DLGAP2: variants seen among roughly 807,000 people sequenced by gnomAD.
DLGAP2 encodes the protein disks large-associated protein 2.
In DLGAP2, 26 loss-of-function variants were observed where a neutral mutation model predicts 100.3. The observed-to-expected ratio is 0.26, with a 90% CI of 0.19 to 0.36. The LOEUF (loss-of-function observed/expected upper bound fraction) is 0.36, where lower values mean the gene tolerates loss of function less well. Ranked by LOEUF, DLGAP2 falls within the 10% of genes least tolerant of loss-of-function variation. The pLI, the probability that DLGAP2 is intolerant of heterozygous loss-of-function variation, is 1.00. For missense variants in DLGAP2, 1,858 were observed against 1,453.2 expected, an observed-to-expected ratio of 1.28 and a Z score of -4.53; for synonymous variants, 886 against 630.1, an observed-to-expected ratio of 1.41 and a Z score of -6.08.
intron 3 of DLGAP2, among the ~76,000 whole-genome samples, chr8:1,449,005 G>A (rs1366569665): frequency 6.6e-6 from 1 of 152,250 alleles, no homozygotes; most frequent in African/African-American, 2.4e-5. Context: ...CATGTTCTGA[G>A]AGCTGTAGGC....
At chr8:1,185,208 C>G (rs1316515632) in intron 2 of DLGAP2, among the ~76,000 whole-genome samples, 1 of 152,122 alleles carries the variant, frequency 6.6e-6, no homozygotes, top group Non-Finnish European at 1.5e-5. Flanking sequence ...CTCCAGGGCT[C>G]CACAGAAAGG....
At chr8:1,429,997 C>CATCTATATATATATATATATATATATAT (rs1797366640) in intron 3 of DLGAP2, among the ~76,000 whole-genome samples, 1 of 19,650 alleles carries the variant, frequency 5.1e-5, no homozygotes, top group African/African-American at 1.1e-4. Context: ...GGGAGAGATG[C>CATCTATATATATATATATATATATATAT]ATATATATAC....
intron 2 of DLGAP2, among the ~76,000 whole-genome samples, chr8:1,060,838 A>G (rs1294238292): frequency 2.6e-5 from 4 of 152,338 alleles, no homozygotes; most frequent in Non-Finnish European, 5.9e-5. Context: ...GGCCACAGCC[A>G]GGGCAGCCTG....
At chr8:1,645,665 A>G (rs1798024075) in intron 8 of DLGAP2, among the ~76,000 whole-genome samples, 1 of 152,216 alleles carries the variant, frequency 6.6e-6, no homozygotes. Context: ...CAATAATCTT[A>G]CAGGTACTAT....
At chr8:1,610,360 A>G (rs1796955378) in intron 6 of DLGAP2, among the ~76,000 whole-genome samples, 1 of 151,984 alleles carries the variant, frequency 6.6e-6, no homozygotes, top group Non-Finnish European at 1.5e-5. Flanking sequence ...GACACAACAA[A>G]CCAGAATCTC....
At chr8:1,356,615 A>T (rs1403522020) in intron 3 of DLGAP2, among the ~76,000 whole-genome samples, 1 of 152,162 alleles carries the variant, frequency 6.6e-6, no homozygotes, top group Non-Finnish European at 1.5e-5. Flanking sequence ...AGGAATGGCA[A>T]AGTACGAGGG....
At position 1,678,213 on chromosome 8, in the gene DLGAP2, G is replaced by T; in HGVS notation, c.2289-1G>T. The T allele has an allele frequency of 6.2e-7, 1 of 1,605,604 alleles. No individual in the cohort carries two copies. The stretch of plus-strand genomic sequence containing the variant: ...TCTGTCTTCCTTCCCTCCTTTTGCA[G>T]ACACGGACGTTTTAAACGTTCTAAC... On this transcript the variant is annotated splice_acceptor_variant, in intron 11 of 14. Coordinates refer to ENST00000637795, the MANE Select transcript of DLGAP2 (RefSeq NM_001346810.2). LOFTEE classifies it high-confidence loss of function.
At chr8:1,389,429 A>C (rs927138974) in intron 3 of DLGAP2, among the ~76,000 whole-genome samples, 4 of 151,978 alleles carry the variant, frequency 2.6e-5, no homozygotes, top group African/African-American at 9.7e-5. Flanking sequence ...ATAACACGGG[A>C]GTTGACAAGG....
At chr8:1,318,789 G>A (rs903831294) in intron 3 of DLGAP2, among the ~76,000 whole-genome samples, 11 of 54,934 alleles carry the variant, frequency 2.0e-4, no homozygotes, top group South Asian at 1.7e-3. Flanking sequence ...CCCCCCCCCC[G>A]CCCCCTCGCC....
At chr8:976,416 C>A (rs186379400) in intron 2 of DLGAP2, among the ~76,000 whole-genome samples, 62 of 152,182 alleles carry the variant, frequency 4.1e-4, no homozygotes, top group Middle Eastern at 6.8e-3. Flanking sequence ...TCGAGACCAT[C>A]CTGGCCAACA....
At chr8:1,353,626 G>A (rs952206960) in intron 3 of DLGAP2, among the ~76,000 whole-genome samples, 2 of 152,210 alleles carry the variant, frequency 1.3e-5, no homozygotes, top group African/African-American at 2.4e-5. Context: ...ATTATAAGGT[G>A]AGGGGTATTT....
chr8:1,001,959 C>T (rs1800972013), intron 2 of DLGAP2, among the ~76,000 whole-genome samples: 1 of 152,234 alleles, frequency 6.6e-6, no homozygotes, highest in Admixed American at 6.5e-5. Context: ...ATGAACCGGG[C>T]GAATTGACTC....
Position 1,548,913 on chromosome 8 carries a change from G to C in DLGAP2, c.460G>C (p.Asp154His). The stretch of plus-strand genomic sequence containing the variant: ...CGTGATGATGCCGGTGGTGCTGGGC[G>C]ACCACGTGTCCAGCAGCACCTTCCC... ...ECVMMPVVLG[D>H]HVSSSTFPRM... Residue 154 changes from aspartate (D) to histidine (H), a missense_variant, in exon 5 of 15, where the codon GAC becomes CAC. Asp to His is a moderately conservative substitution (Grantham distance 81). Transcript: ENST00000637795. 1 of 1,597,970 alleles carries C rather than the reference G, an allele frequency of 6.3e-7. No individual in the cohort carries two copies. The highest frequency in any genetic ancestry group is 1.1e-5 in the South Asian group (1 of 90,918).
At chr8:965,273 G>T (rs539201086) in intron 2 of DLGAP2, among the ~76,000 whole-genome samples, 1 of 117,572 alleles carries the variant, frequency 8.5e-6, no homozygotes, top group Non-Finnish European at 1.7e-5. Context: ...CAACCCCCGC[G>T]TGCACACGGC....
At chr8:1,575,502 G>A (rs1160238477) in intron 6 of DLGAP2, among the ~76,000 whole-genome samples, 1 of 109,586 alleles carries the variant, frequency 9.1e-6, no homozygotes, top group Non-Finnish European at 2.2e-5. Flanking sequence ...AAGTTCTAGG[G>A]TACATGTGCA....
chr8:1,219,533 G>C (rs1405494821), intron 2 of DLGAP2, among the ~76,000 whole-genome samples: 1 of 152,104 alleles, frequency 6.6e-6, no homozygotes, highest in Non-Finnish European at 1.5e-5. Context: ...TTTTGCTGAG[G>C]ATTTTTGTGT....
At chr8:1,591,467 G>A (rs1584963890) in intron 6 of DLGAP2, among the ~76,000 whole-genome samples, 1 of 151,986 alleles carries the variant, frequency 6.6e-6, no homozygotes, top group Non-Finnish European at 1.5e-5. Context: ...TTCCTGATGG[G>A]GTCTTCCCCT....
chr8:1,474,784 G>A (rs575926989), intron 3 of DLGAP2, among the ~76,000 whole-genome samples: 12 of 152,320 alleles, frequency 7.9e-5, no homozygotes, highest in South Asian at 2.1e-4. Flanking sequence ...CTGCCAGTGC[G>A]AGCGTACATT....
intron 3 of DLGAP2, among the ~76,000 whole-genome samples, chr8:1,478,186 A>T (rs901056626): frequency 2.0e-5 from 3 of 152,116 alleles, no homozygotes; most frequent in Admixed American, 2.0e-4. Context: ...CATCTTACCC[A>T]TGAGCCTGTA....
Sources: gnomAD v4.1 joint callset for allele counts (sites outside exome capture counted in the v4.1 genomes callset) on GRCh38, gnomAD v4.1.1 for gene constraint, MANE v1.5 for transcripts, NCBI Gene and HGNC (gene_info 2026-07-23, HGNC 2026-07-21) for gene names.